The following RBMS1 variants were observed in gnomAD, a reference collection of about 807,000 sequenced individuals.
RBMS1 encodes the protein RNA-binding motif, single-stranded-interacting protein 1.
RBMS1 carries 17 observed loss-of-function variants against 62.3 expected under a neutral mutation model. That is an observed-to-expected ratio of 0.27 (90% CI 0.19 to 0.41). The LOEUF is 0.41. Among genes scored for constraint, RBMS1 ranks in the 10% least tolerant of loss-of-function variants. The probability of loss-of-function intolerance (pLI) is 1.00; values close to 1 mark genes in which losing one functional copy is unlikely to be tolerated. For missense variants in RBMS1, 334 were observed against 504.5 expected (o/e 0.66, Z 3.24); for synonymous variants, 172 against 170.0 (o/e 1.01, Z -0.09).
chr2:160,324,002 T>C (rs7574543), intron 2 of RBMS1, among the ~76,000 whole-genome samples: 14,749 of 152,264 alleles, frequency 0.097, 977 homozygotes, highest in East Asian at 0.26. Flanking sequence ...ATATCTCAGT[T>C]TGCACTTAGT....
intron 7 of RBMS1, among the ~76,000 whole-genome samples, chr2:160,286,663 T>A (rs1201808649): frequency 2.0e-5 from 3 of 152,100 alleles, no homozygotes; most frequent in African/African-American, 7.2e-5. Context: ...CAAACCCAAA[T>A]CACTTGTGTT....
intron 6 of RBMS1, among the ~76,000 whole-genome samples, chr2:160,296,495 T>C (rs1051133882): frequency 1.3e-5 from 2 of 152,340 alleles, no homozygotes; most frequent in East Asian, 3.9e-4. Flanking sequence ...ACATCAGTCA[T>C]CTAGCTAAAG....
intron 1 of RBMS1, among the ~76,000 whole-genome samples, chr2:160,470,341 TTTTCCTA>T (rs1364168636): frequency 1.3e-5 from 2 of 152,204 alleles, no homozygotes; most frequent in Non-Finnish European, 2.9e-5. Flanking sequence ...TCCTCTTCCT[TTTTCCTA>T]TTACTTACTC....
chr2:160,444,548 CA>C (rs988081356), intron 1 of RBMS1, among the ~76,000 whole-genome samples: 43 of 152,278 alleles, frequency 2.8e-4, no homozygotes, highest in African/African-American at 7.9e-4. Context: ...AACCGAGAAA[CA>C]AAAAGGGCAA....
intron 1 of RBMS1, among the ~76,000 whole-genome samples, chr2:160,380,752 G>C (rs1275524694): frequency 6.6e-6 from 1 of 152,148 alleles, no homozygotes; most frequent in East Asian, 1.9e-4. Flanking sequence ...GGAAGGAATA[G>C]ACAAGCTTCC....
intron 4 of RBMS1, among the ~76,000 whole-genome samples, chr2:160,309,664 AG>A (rs1689739543): frequency 6.6e-6 from 1 of 152,220 alleles, no homozygotes; most frequent in Admixed American, 6.5e-5. Context: ...AGTTGGTTAA[AG>A]ACCTCAGAAA....
At chr2:160,337,910 T>C (rs1160186386) in intron 2 of RBMS1, among the ~76,000 whole-genome samples, 2 of 152,320 alleles carry the variant, frequency 1.3e-5, no homozygotes, top group East Asian at 3.9e-4. Context: ...CAGTGTGAGA[T>C]GGATATCAGC....
rs1043509406 is a variant in RBMS1, at chr2:160,451,176, A to G, written c.75+42113T>C. Among the ~76,000 whole-genome samples, 3 of 152,050 alleles carry G rather than the reference A, an allele frequency of 2.0e-5. No homozygotes were observed. In the East Asian group the frequency reaches 5.8e-4, roughly 29 times the overall value. On this transcript the variant is annotated intron_variant, in intron 1 of 13. Coordinates refer to ENST00000348849, the MANE Select transcript of RBMS1 (RefSeq NM_016836.4). The stretch of plus-strand genomic sequence containing the variant: ...TGCTTCAGAAAAAAAAAAATAAATA[A>G]ATAAAAACTAGAGAAAATATCATAA...
chr2:160,276,123 C>T (rs1042283668), intron 12 of RBMS1, among the ~76,000 whole-genome samples: 2 of 152,166 alleles, frequency 1.3e-5, no homozygotes, highest in African/African-American at 4.8e-5. Context: ...TAGTTCTACA[C>T]TGGAAGCCAT....
At chr2:160,322,701 TCCACTCAATTATA>T (rs1048414258) in intron 2 of RBMS1, among the ~76,000 whole-genome samples, 21 of 152,312 alleles carry the variant, frequency 1.4e-4, no homozygotes, top group Middle Eastern at 3.4e-3. Context: ...TTTTGGGCTG[TCCACTCAATTATA>T]CCACTTCCAG....
In RBMS1 at chr2:160,319,310, G is replaced by A. The variant is rs567046737; in HGVS notation, c.252-1083C>T. Among the ~76,000 whole-genome samples the A allele has an allele frequency of 6.0e-4, 92 of 152,290 alleles. 1 individual carries two copies. The highest frequency in any genetic ancestry group is 2.2e-3 in the Admixed American group (34 of 15,298). On this transcript the variant is annotated intron_variant, in intron 2 of 13. Transcript: ENST00000348849. The stretch of plus-strand genomic sequence containing the variant: ...ATGGATCACTTGTGGCCAGGAGTTC[G>A]AGACCAGCTTGGCCAACATGGCAAA...
intron 6 of RBMS1, among the ~76,000 whole-genome samples, chr2:160,297,401 A>G (rs569668686): frequency 1.3e-5 from 2 of 152,246 alleles, no homozygotes; most frequent in Non-Finnish European, 2.9e-5. Context: ...CTTGTTAAGA[A>G]CATGGTATTG....
intron 1 of RBMS1, among the ~76,000 whole-genome samples, chr2:160,427,666 T>C (rs1682693896): frequency 6.6e-6 from 1 of 152,200 alleles, no homozygotes. Context: ...TTTTAGAATA[T>C]TAATTCTTCA....
intron 1 of RBMS1, among the ~76,000 whole-genome samples, chr2:160,392,366 A>G (rs916790282): frequency 1.3e-5 from 2 of 151,876 alleles, no homozygotes; most frequent in Non-Finnish European, 2.9e-5. Flanking sequence ...TATATTATCT[A>G]TGGCTGCTTT....
chr2:160,379,479 C>A (rs1413828086), intron 1 of RBMS1, among the ~76,000 whole-genome samples: 1 of 152,182 alleles, frequency 6.6e-6, no homozygotes. Context: ...TGGTATCAAC[C>A]TGGGAATACA....
chr2:160,471,939 A>G (rs1684940679), intron 1 of RBMS1, among the ~76,000 whole-genome samples: 1 of 151,894 alleles, frequency 6.6e-6, no homozygotes, highest in African/African-American at 2.4e-5. Context: ...CTAGCACTCA[A>G]TCATTCAAGT....
At chr2:160,284,610 T>C (rs1037166201) in intron 9 of RBMS1, 165 bp downstream of exon 9, 5 of 628,100 alleles carry the variant, frequency 8.0e-6, no homozygotes, top group Admixed American at 2.6e-5. Flanking sequence ...TATACATAAA[T>C]TGCTCTGCCA....
intron 1 of RBMS1, among the ~76,000 whole-genome samples, chr2:160,457,951 T>G (rs73008333): frequency 0.013 from 794 of 59,074 alleles, 8 homozygotes; most frequent in African/African-American, 0.035. Flanking sequence ...GTTATTGGTT[T>G]GTTTGTTGTT....
chr2:160,364,371 T>G (rs11693275), intron 2 of RBMS1, among the ~76,000 whole-genome samples: 2 of 152,142 alleles, frequency 1.3e-5, no homozygotes, highest in African/African-American at 4.8e-5. Flanking sequence ...CTAGAGCTGG[T>G]TGACATCTTT....
Sources: gnomAD v4.1 joint callset for allele counts (sites outside exome capture counted in the v4.1 genomes callset) on GRCh38, gnomAD v4.1.1 for gene constraint, MANE v1.5 for transcripts, NCBI Gene and HGNC (gene_info 2026-07-23, HGNC 2026-07-21) for gene names.